UNC13D: variants seen among roughly 807,000 people sequenced by gnomAD.
UNC13D encodes the protein unc-13 homolog D, also known as protein unc-13 homolog D.
In UNC13D, 115 loss-of-function variants were observed where a neutral mutation model predicts 151.7. The observed-to-expected ratio is 0.76, with a 90% CI of 0.65 to 0.88. UNC13D has a LOEUF of 0.88. Among genes scored for constraint, UNC13D ranks in the 40% least tolerant of loss-of-function variants. UNC13D has a pLI of 0.00. For synonymous variants in UNC13D, 588 were observed against 612.2 expected (o/e 0.96, Z 0.58); for missense variants, 1,369 against 1,438.7 (o/e 0.95, Z 0.78).
intron 12 of UNC13D, among the ~76,000 whole-genome samples, chr17:75,837,123 T>C (rs920474506): frequency 5.3e-5 from 8 of 151,518 alleles, no homozygotes; most frequent in Admixed American, 3.3e-4. Context: ...TGGAGTGCAG[T>C]GGCGTGATCT....
At chr17:75,835,555 G>C (rs368170779) in intron 19 of UNC13D, 26 bp from the exon 20 acceptor site, 2 of 1,600,828 alleles carry the variant, frequency 1.2e-6, no homozygotes, top group Non-Finnish European at 1.7e-6. Flanking sequence ...GCTCAGCGTC[G>C]GGAAGGCTGG....
intron 12 of UNC13D, among the ~76,000 whole-genome samples, chr17:75,839,465 A>G (rs926505438): frequency 4.0e-5 from 6 of 151,436 alleles, no homozygotes; most frequent in African/African-American, 1.5e-4. Context: ...CTTGTGTTTC[A>G]TGAGAAGCTG....
At position 75,843,279 on chromosome 17, in the gene UNC13D, G is replaced by T. The variant is rs908049021; in HGVS notation, c.154-13C>A. 6.2e-6 allele frequency: 10 copies of T among 1,604,108 alleles called. No individual in the cohort carries two copies. In the Admixed American group the frequency reaches 6.7e-5, roughly 11 times the overall value. ...AGAGCAGGGCCCGCTAAGACACACG[G>T]GGTCACCTTGGGGACCCCACCAGCC... On this transcript the variant is annotated splice_polypyrimidine_tract_variant and intron_variant, in intron 2 of 31. Transcript: ENST00000207549.
At chr17:75,834,859 C>T (rs201125278) in intron 21 of UNC13D, 61 bp downstream of exon 21, 185 of 1,613,126 alleles carry the variant, frequency 1.1e-4, no homozygotes, top group African/African-American at 8.5e-4. Flanking sequence ...ACGGGAGAAA[C>T]GGTGGGTGGT....
chr17:75,835,440 G>C lies in UNC13D; in HGVS notation c.1817C>G (p.Ala606Gly), dbSNP rs750548504. 19 of 1,612,770 alleles carry C rather than the reference G, an allele frequency of 1.2e-5. No individual in the cohort carries two copies. Among genetic ancestry groups the C allele is most frequent in the Non-Finnish European group, 1.5e-5 (18 of 1,179,796 alleles). The stretch of plus-strand genomic sequence containing the variant: ...CATCTGCACAGCGCGCTGCACCCGC[G>C]CCAGGGCCTCGTTGTACGTCTTCTG... ...WLQKTYNEAL[A>G]RVQRAVQMDE... Residue 606 changes from alanine to glycine, a missense_variant, in exon 20 of 32, where the codon GCG becomes GGG. Ala to Gly is a moderately conservative substitution (Grantham distance 60). Around this residue, in one of 3 missense-constraint regions of UNC13D, gnomAD observed 807 missense variants for 795.5 expected, o/e 1.01. Coordinates refer to ENST00000207549, the MANE Select transcript of UNC13D (RefSeq NM_199242.3).
intron 12 of UNC13D, among the ~76,000 whole-genome samples, chr17:75,838,493 C>A (rs1393491641): frequency 2.0e-5 from 3 of 151,736 alleles, no homozygotes; most frequent in Non-Finnish European, 4.4e-5. Context: ...TGCTGGGATT[C>A]CAGGCGCGAG....
At position 75,836,883 on chromosome 17, in the gene UNC13D, A is replaced by T. The variant is rs778443253; in HGVS notation, c.1091T>A (p.Leu364Gln). The change falls in exon 13 of 32, where the codon CTG becomes CAG. Residue 364 changes from leucine (L) to glutamine (Q), a missense_variant. Leu to Gln is a moderately radical substitution (Grantham distance 113). Around this residue, in one of 3 missense-constraint regions of UNC13D, gnomAD observed 550 missense variants for 609.0 expected, o/e 0.90. Transcript: ENST00000207549. ...WLAYSRLYQS[L>Q]EFPSSCLLHP... ...CAGGAGGCAGCTGCTGGGGAACTCC[A>T]GGCTCTGGTAGAGGCGGCTGTAGGC... 6.2e-7 allele frequency: 1 copy of T among 1,613,686 alleles called. No homozygotes were observed. Among genetic ancestry groups the T allele is most frequent in the Non-Finnish European group, 8.5e-7 (1 of 1,180,016 alleles).
At position 75,840,752 on chromosome 17, in the gene UNC13D, C is replaced by A; in HGVS notation, c.683+10G>T. The A allele has an allele frequency of 6.2e-7, 1 of 1,613,936 alleles. No individual in the cohort carries two copies. Among genetic ancestry groups the A allele is most frequent in the Non-Finnish European group, 8.5e-7 (1 of 1,180,030 alleles). On this transcript the variant is annotated intron_variant, in intron 8 of 31. Transcript: ENST00000207549. This position sits in a 1 kb window ranked among gnomAD's most constrained non-coding sequence, Gnocchi z 4.6. ...CCCAACCCCTTCCCTGTGAGCCCTG[C>A]AACACGAACCTGCGAAGCCCATGCA...
At position 75,827,719 on chromosome 17, in the gene UNC13D, C is replaced by T. The variant is rs1318484269; in HGVS notation, c.*246G>A. 2.6e-6 allele frequency: 4 copies of T among 1,512,382 alleles called. No homozygotes were observed. Among genetic ancestry groups the T allele is most frequent in the Admixed American group, 2.0e-5 (1 of 49,366 alleles). The allele number at this position is 1,512,382 out of a possible 1,614,324, so 93.7% of individuals were successfully genotyped here. The stretch of plus-strand genomic sequence containing the variant: ...GGGGCAGGGTTTGCTCCCCCTGGTG[C>T]TGGGATGTGGTAGAGACATTGCAGC... On this transcript the variant is annotated 3_prime_UTR_variant, in exon 32 of 32. Coordinates refer to ENST00000207549, the MANE Select transcript of UNC13D (RefSeq NM_199242.3).
chr17:75,828,658 C>T (rs567874940), intron 31 of UNC13D, 129 bp downstream of exon 31: 45 of 1,051,030 alleles, frequency 4.3e-5, no homozygotes, highest in Admixed American at 9.2e-5. Context: ...AGAGATGGGC[C>T]GTGGCTGTCC....
In UNC13D at chr17:75,830,651, C is replaced by T. The variant is rs1430448600; in HGVS notation, c.2636G>A (p.Arg879Lys). The T allele has an allele frequency of 6.4e-7, 1 of 1,554,022 alleles. No homozygotes were observed. Among genetic ancestry groups the T allele is most frequent in the South Asian group, 1.2e-5 (1 of 84,356 alleles). The change falls in exon 28 of 32, where the codon AGG (arginine) becomes AAG (lysine). Residue 879 changes from arginine to lysine, a missense_variant. By Grantham distance (26) the Arg-to-Lys change is conservative. Around this residue, in one of 3 missense-constraint regions of UNC13D, gnomAD observed 807 missense variants for 795.5 expected, o/e 1.01. Transcript: ENST00000207549. The part of the protein sequence containing the change: ...LHTATFQALQ[R>K]DLELQAASSR... Reference sequence around the variant, plus strand: ...GGAGGCCGCCTGCAGCTCCAGGTCCCTCTGCAGAGCCTGGGAACACATACA... The same window carrying T: ...GGAGGCCGCCTGCAGCTCCAGGTCCTTCTGCAGAGCCTGGGAACACATACA...
In UNC13D at chr17:75,835,892, T is replaced by C; in HGVS notation, c.1559A>G (p.His520Arg). 1.2e-6 allele frequency: 2 copies of C among 1,613,942 alleles called. No homozygotes were observed. The highest frequency in any genetic ancestry group is 1.7e-6 in the Non-Finnish European group (2 of 1,179,954). The change falls in exon 18 of 32, where the codon CAC becomes CGC. Residue 520 changes from histidine (H) to arginine (R), a missense_variant. This residue lies in a region of UNC13D where 807 missense variants were observed against 795.5 expected (regional missense o/e 1.01). Coordinates refer to ENST00000207549, the MANE Select transcript of UNC13D (RefSeq NM_199242.3). Reference protein sequence around the residue: ...DKIFHNTLKIHLFSMAFRELQ... With the variant: ...DKIFHNTLKIRLFSMAFRELQ... ...CTCCCGGAAAGCCATGGAGAAGAGG[T>C]GGATCTTGAGGGTACTGGAGGAAAG... is the stretch of plus-strand genomic sequence containing the variant.
chr17:75,844,227 G>A lies in UNC13D; in HGVS notation c.111C>T (p.Ala37=). 1 of 1,611,752 alleles carries A rather than the reference G, an allele frequency of 6.2e-7. No homozygotes were observed. Among genetic ancestry groups the A allele is most frequent in the Non-Finnish European group, 8.5e-7 (1 of 1,179,940 alleles). ...CCAGTGAGGTCACTCCTACCTCCGGGGCCATTTGGGGCGGGGGATCCTGTA... is the reference window on the plus strand; with the variant it reads ...CCAGTGAGGTCACTCCTACCTCCGGAGCCATTTGGGGCGGGGGATCCTGTA... The part of the protein sequence containing the change: ...RDLQDPPPQM[A]PEIQPPSHHF... Residue 37 remains alanine (A), a synonymous_variant, in exon 1 of 32, where the codon GCC becomes GCT. Transcript: ENST00000207549.
In UNC13D at chr17:75,840,360, G is replaced by T; in HGVS notation, c.754-31C>A. On this transcript the variant is annotated intron_variant, in intron 9 of 31. Coordinates refer to ENST00000207549, the MANE Select transcript of UNC13D (RefSeq NM_199242.3). This position sits in a 1 kb window ranked among gnomAD's most constrained non-coding sequence, Gnocchi z 4.6. The stretch of plus-strand genomic sequence containing the variant: ...AGGCGGGGATGCCCAGCCCGTGAGC[G>T]TCAGAACCTCATAGAGTCGGGGCAG... The T allele has an allele frequency of 3.7e-6, 6 of 1,610,858 alleles. No homozygotes were observed. The highest frequency in any genetic ancestry group is 5.1e-6 in the Non-Finnish European group (6 of 1,178,258).
intron 1 of UNC13D, 46 bp from the exon 2 acceptor site, chr17:75,843,565 G>C: frequency 6.2e-7 from 1 of 1,602,236 alleles, no homozygotes; most frequent in South Asian, 1.1e-5. Context: ...GCCCAGAGCA[G>C]GCTCAGATGG....
At position 75,827,743 on chromosome 17, in the gene UNC13D, G is replaced by A; in HGVS notation, c.*222C>T. On this transcript the variant is annotated 3_prime_UTR_variant, in exon 32 of 32. Coordinates refer to ENST00000207549, the MANE Select transcript of UNC13D (RefSeq NM_199242.3). ...GCTGGGATGTGGTAGAGACATTGCAGCCAGGGCTGGAGGCAGGGAGGCGGG... is the reference window on the plus strand; with the variant it reads ...GCTGGGATGTGGTAGAGACATTGCAACCAGGGCTGGAGGCAGGGAGGCGGG... The A allele has an allele frequency of 2.0e-6, 3 of 1,492,240 alleles. No individual in the cohort carries two copies. Among genetic ancestry groups the A allele is most frequent in the African/African-American group, 1.4e-5 (1 of 72,166 alleles). 92.4% of individuals were successfully genotyped at this position (1,492,240 alleles called of 1,614,324 possible). A position where few individuals can be genotyped will look rare whatever the true frequency, so the allele number is the denominator to read the frequency against.
intron 27 of UNC13D, 26 bp from the exon 28 acceptor site, chr17:75,830,687 C>T: frequency 1.3e-6 from 2 of 1,553,540 alleles, no homozygotes; most frequent in East Asian, 2.4e-5. Context: ...GCTGAGGATC[C>T]ACCTGGACTG....
chr17:75,835,991 C>T (rs1218705765), intron 17 of UNC13D, 21 bp downstream of exon 17: 1 of 1,614,150 alleles, frequency 6.2e-7, no homozygotes, highest in South Asian at 1.1e-5. Flanking sequence ...CCACTACCTC[C>T]CGACCTGGCT....
At position 75,836,339 on chromosome 17, in the gene UNC13D, C is replaced by A. The variant is rs749112073; in HGVS notation, c.1389G>T (p.Gln463His). ...PLPQLVTEALQTGTTEWFHLK... is the reference protein window; with the variant it reads ...PLPQLVTEALHTGTTEWFHLK... ...CCCATCCCCAGCGCGAGTACCATAC[C>A]TGCAGGGCCTCAGTCACCAGCTGGG... The change falls in exon 15 of 32, where the codon CAG becomes CAT. Residue 463 changes from glutamine to histidine, a missense_variant and splice_region_variant. Transcript: ENST00000207549. The A allele has an allele frequency of 8.7e-6, 14 of 1,613,844 alleles. No homozygotes were observed. In the East Asian group the frequency reaches 3.1e-4, roughly 36 times the overall value.
Sources: allele counts gnomAD v4.1 joint callset (sites outside exome capture counted in the v4.1 genomes callset), GRCh38; gene constraint gnomAD v4.1.1; regional missense constraint gnomAD v4.1.1; non-coding constraint Gnocchi (gnomAD v3.1); transcripts MANE v1.5; gene names NCBI Gene and HGNC (gene_info 2026-07-23, HGNC 2026-07-21).